ANKRD26: variants seen among roughly 807,000 people sequenced by gnomAD.
ANKRD26 encodes the protein ankyrin repeat domain-containing protein 26.
A neutral mutation model predicts 208.7 loss-of-function variants in ANKRD26; 141 were observed. The observed-to-expected ratio is 0.68, with a 90% CI of 0.59 to 0.78. The LOEUF (loss-of-function observed/expected upper bound fraction) is 0.78, where lower values mean the gene tolerates loss of function less well. ANKRD26 is among the 30% of genes least tolerant of loss of function. ANKRD26 has a pLI of 0.00. For missense variants in ANKRD26, 1,889 were observed against 1,938.7 expected (o/e 0.97, Z 0.48); for synonymous variants, 636 against 660.4 (o/e 0.96, Z 0.57).
intron 11 of ANKRD26, 26 bp from the exon 12 acceptor site, chr10:27,064,107 G>C: frequency 5.4e-6 from 8 of 1,468,176 alleles, no homozygotes; most frequent in Non-Finnish European, 7.6e-6. Context: ...TCAATAATGA[G>C]TTTCAATTTT....
rs753271920 is a variant in ANKRD26, at chr10:27,034,832, T to G, written c.3618A>C (p.Arg1206Ser). 4 of 1,611,092 alleles carry G rather than the reference T, an allele frequency of 2.5e-6. No individual in the cohort carries two copies. The highest frequency in any genetic ancestry group is 3.4e-6 in the Non-Finnish European group (4 of 1,179,118). Reference protein sequence around the residue: ...LISECNHLKERQYQYENEKAE... With the variant: ...LISECNHLKESQYQYENEKAE... The stretch of plus-strand genomic sequence containing the variant: ...CCTTTTCATTTTCATATTGATACTG[T>G]CTTTCTTTTAAGTGATTACATTCAC... Residue 1206 changes from arginine (R) to serine (S), a missense_variant, in exon 24 of 34, where the codon AGA becomes AGC. Coordinates refer to ENST00000376087, the MANE Select transcript of ANKRD26 (RefSeq NM_014915.3).
chr10:27,020,987 A>C (rs2053468784), intron 29 of ANKRD26, among the ~76,000 whole-genome samples: 1 of 151,954 alleles, frequency 6.6e-6, no homozygotes, highest in Non-Finnish European at 1.5e-5. Flanking sequence ...TAAAAAAAAA[A>C]ATTCCATTTT....
At chr10:27,081,287 T>G (rs1278284452) in intron 6 of ANKRD26, among the ~76,000 whole-genome samples, 1 of 152,164 alleles carries the variant, frequency 6.6e-6, no homozygotes, top group Non-Finnish European at 1.5e-5. Flanking sequence ...ACCCCAATAT[T>G]CTGATCTCTT....
Position 27,005,718 on chromosome 10 carries a change from C to T in ANKRD26, c.5005G>A (p.Ala1669Thr). The T allele has an allele frequency of 6.2e-7, 1 of 1,607,586 alleles. No homozygotes were observed. The highest frequency in any genetic ancestry group is 8.5e-7 in the Non-Finnish European group (1 of 1,177,210). Residue 1669 changes from alanine to threonine, a missense_variant, in exon 34 of 34, where the codon GCT (alanine) becomes ACT (threonine). By Grantham distance (58) the Ala-to-Thr change is moderately conservative. Around this residue, in one of 3 missense-constraint regions of ANKRD26, gnomAD observed 613 missense variants for 648.2 expected, o/e 0.95. Transcript: ENST00000376087. ...GCTATTGATCCAGATTCCAATTCAG[C>T]AGCAGCTAGAATGAAAAAGAAAGAA... ...NITRELKEAAAELESGSIASP... is the reference protein window; with the variant it reads ...NITRELKEAATELESGSIASP...
intron 16 of ANKRD26, chr10:27,051,923 G>A (rs746746856): frequency 2.2e-5 from 22 of 985,274 alleles, no homozygotes; most frequent in Non-Finnish European, 2.7e-5. Context: ...TGAGTTTTAA[G>A]TTATTTTTCC....
rs538755807 is a variant in ANKRD26 at position 27,038,302 on chromosome 10, T to C, written c.2376-248A>G. 2.6e-5 allele frequency among the ~76,000 whole-genome samples: 4 copies of C among 152,184 alleles called. No homozygotes were observed. In the South Asian group the frequency reaches 8.3e-4, roughly 31 times the overall value. ...AAGTTTCTGTTATGAGTACCTCTGA[T>C]AAATATTATGGAAAAAGATATTGGA... On this transcript the variant is annotated intron_variant, in intron 21 of 33. Transcript: ENST00000376087.
At chr10:27,081,883 T>C (rs544455793) in intron 6 of ANKRD26, among the ~76,000 whole-genome samples, 23 of 151,828 alleles carry the variant, frequency 1.5e-4, no homozygotes, top group South Asian at 1.5e-3. Flanking sequence ...ACTATAGGCG[T>C]GCGCCACCAC....
intron 5 of ANKRD26, among the ~76,000 whole-genome samples, chr10:27,084,615 C>A (rs1438102663): frequency 2.0e-5 from 3 of 152,262 alleles, no homozygotes; most frequent in South Asian, 4.1e-4. Flanking sequence ...AGCCTGTAAT[C>A]CCAATACTTT....
chr10:27,040,619 T>C (rs904798628), intron 20 of ANKRD26, among the ~76,000 whole-genome samples: 1 of 152,124 alleles, frequency 6.6e-6, no homozygotes, highest in Non-Finnish European at 1.5e-5. Context: ...CTGCTTCAGG[T>C]ACTAACTTTC....
chr10:27,043,520 CTGAGT>C lies in ANKRD26; in HGVS notation c.2062_2066del (p.Thr688ValfsTer3), dbSNP rs1172117904. On this transcript the variant is annotated frameshift_variant, in exon 20 of 34. Transcript: ENST00000376087. LOFTEE classifies it high-confidence loss of function. ...AATCCTCTGAGGCTGTTTCAGATGA[CTGAGT>C]TAAGTCATCAACATCATCCATAGAC... The C allele has an allele frequency of 3.1e-6, 5 of 1,613,722 alleles. No individual in the cohort carries two copies. Among genetic ancestry groups the C allele is most frequent in the Non-Finnish European group, 4.2e-6 (5 of 1,179,830 alleles).
rs2052819494 is a variant in ANKRD26, at chr10:27,004,970, G to A, written c.*620C>T. 1.1e-6 allele frequency: 1 copy of A among 896,930 alleles called. No homozygotes were observed. The highest frequency in any genetic ancestry group is 1.2e-4 in the East Asian group (1 of 8,390). The allele number at this position is 896,930 out of a possible 1,614,324, so 55.6% of individuals were successfully genotyped here. On this transcript the variant is annotated 3_prime_UTR_variant, in exon 34 of 34. Coordinates refer to ENST00000376087, the MANE Select transcript of ANKRD26 (RefSeq NM_014915.3). ...AAGTAATCAGGGGTGATGACATAAT[G>A]TCAGCAATTTACTCTCAAATTGTTC... is the stretch of plus-strand genomic sequence containing the variant.
At chr10:27,015,707 G>A (rs2053266810) in intron 30 of ANKRD26, among the ~76,000 whole-genome samples, 1 of 152,016 alleles carries the variant, frequency 6.6e-6, no homozygotes, top group African/African-American at 2.4e-5. Flanking sequence ...TCTCACAACG[G>A]CTACATATTT....
At chr10:26,949,703 C>T in the ANKRD26 span, among the ~76,000 whole-genome samples, 1 of 152,108 alleles carries the variant, frequency 6.6e-6, no homozygotes, top group Non-Finnish European at 1.5e-5. Context: ...TGGGCTTTCA[C>T]CATCGTGGCC....
downstream of ANKRD26, among the ~76,000 whole-genome samples, chr10:26,987,043 A>G (rs1029504168): frequency 3.9e-5 from 6 of 152,236 alleles, no homozygotes; most frequent in Admixed American, 6.5e-5. Flanking sequence ...ATGTCCAACA[A>G]TGATAGACTG....
chr10:27,046,234 T>C, intron 18 of ANKRD26, 119 bp downstream of exon 18: 1 of 1,060,620 alleles, frequency 9.4e-7, no homozygotes, highest in Non-Finnish European at 1.4e-6. Context: ...ATCTTAATCT[T>C]TCAGCAGCAT....
chr10:27,017,107 T>C (rs1465197545), intron 30 of ANKRD26, among the ~76,000 whole-genome samples: 1 of 152,178 alleles, frequency 6.6e-6, no homozygotes, highest in Non-Finnish European at 1.5e-5. Context: ...GTATAAACAT[T>C]TGAATCATTG....
intron 9 of ANKRD26, among the ~76,000 whole-genome samples, chr10:27,073,168 A>G (rs1025313914): frequency 6.6e-6 from 1 of 152,334 alleles, no homozygotes; most frequent in East Asian, 1.9e-4. Flanking sequence ...CCTTCAGCAG[A>G]GGGACAGGTG....
chr10:27,002,856 C>T (rs536508484), downstream of ANKRD26, among the ~76,000 whole-genome samples: 1 of 152,178 alleles, frequency 6.6e-6, no homozygotes, highest in Non-Finnish European at 1.5e-5. Context: ...TGATTTAACA[C>T]AGCACCACCA....
At chr10:27,066,193 C>T (rs940916155) in intron 11 of ANKRD26, 5 of 205,470 alleles carry the variant, frequency 2.4e-5, no homozygotes, top group African/African-American at 6.9e-5. Context: ...TTTAGATAAA[C>T]TTAACTTCAG....
Sources: allele counts gnomAD v4.1 joint callset (sites outside exome capture counted in the v4.1 genomes callset), GRCh38; gene constraint gnomAD v4.1.1; regional missense constraint gnomAD v4.1.1; transcripts MANE v1.5; gene names NCBI Gene and HGNC (gene_info 2026-07-23, HGNC 2026-07-21).